The following ATF7 variants were observed in gnomAD, a reference collection of about 807,000 sequenced individuals.
ATF7 encodes activating transcription factor 7, also known as cyclic AMP-dependent transcription factor ATF-7.
Under a neutral mutation model 50.4 loss-of-function variants are expected in ATF7, and 10 were observed. The observed-to-expected ratio is 0.20, with a 90% CI of 0.12 to 0.34. The LOEUF (loss-of-function observed/expected upper bound fraction) is 0.34. Ranked by LOEUF, ATF7 falls within the 10% of genes least tolerant of loss-of-function variation. The probability of loss-of-function intolerance (pLI) is 1.00; values close to 1 mark genes in which losing one functional copy is unlikely to be tolerated. For missense variants in ATF7, 465 were observed against 613.9 expected (o/e 0.76, Z 2.56); for synonymous variants, 201 against 226.4 (o/e 0.89, Z 1.01).
chr12:53,548,994 C>G (rs1365671367), intron 3 of ATF7, among the ~76,000 whole-genome samples: 1 of 151,108 alleles, frequency 6.6e-6, no homozygotes, highest in African/African-American at 2.4e-5. Context: ...CCAAAAAATA[C>G]CCCCCAAAAC....
At chr12:53,606,703 TCCCTCCC>T (rs1943621607) in intron 1 of ATF7, among the ~76,000 whole-genome samples, 2 of 123,698 alleles carry the variant, frequency 1.6e-5, no homozygotes, top group Non-Finnish European at 3.4e-5. Context: ...CCTAATGCTA[TCCCTCCC>T]CCCTCCCCCC....
chr12:53,571,549 C>T (rs775082453), intron 2 of ATF7, among the ~76,000 whole-genome samples: 24 of 151,576 alleles, frequency 1.6e-4, no homozygotes, highest in Non-Finnish European at 3.1e-4. Context: ...CACCTGTAGT[C>T]CCAGCTACTC....
At chr12:53,547,468 T>C (rs1009854204) in intron 3 of ATF7, among the ~76,000 whole-genome samples, 6 of 151,524 alleles carry the variant, frequency 4.0e-5, no homozygotes, top group African/African-American at 1.5e-4. Flanking sequence ...GTATTTTTAG[T>C]AGAGACAGGG....
At chr12:53,556,322 C>T (rs1201154510) in intron 2 of ATF7, among the ~76,000 whole-genome samples, 6 of 152,150 alleles carry the variant, frequency 3.9e-5, no homozygotes, top group South Asian at 2.1e-4. Context: ...GGCATGGTGG[C>T]GCATACCTGT....
intron 4 of ATF7, 148 bp from the exon 5 acceptor site, chr12:53,537,700 G>C (rs1565931582): frequency 1.0e-6 from 1 of 952,592 alleles, no homozygotes; most frequent in South Asian, 1.8e-5. Flanking sequence ...ATAAATGTGG[G>C]CCCCTTATGT....
intron 1 of ATF7, among the ~76,000 whole-genome samples, chr12:53,609,303 C>A (rs951094789): frequency 3.3e-5 from 5 of 151,576 alleles, no homozygotes; most frequent in Non-Finnish European, 7.4e-5. Context: ...TACAGGCATG[C>A]GCCACCACAT....
chr12:53,517,394 A>G, intron 11 of ATF7, 40 bp from the exon 12 acceptor site: 3 of 1,566,060 alleles, frequency 1.9e-6, no homozygotes, highest in Non-Finnish European at 2.6e-6. Context: ...GCAATTGGTT[A>G]GAAAACAGAA....
chr12:53,525,333 A>G (rs920770517), intron 9 of ATF7, among the ~76,000 whole-genome samples: 1 of 152,220 alleles, frequency 6.6e-6, no homozygotes, highest in Non-Finnish European at 1.5e-5. Context: ...AGCCTGGGCA[A>G]CAAGAGCGAA....
At chr12:53,530,410 T>C (rs905898971) in intron 9 of ATF7, among the ~76,000 whole-genome samples, 5 of 152,118 alleles carry the variant, frequency 3.3e-5, no homozygotes, top group African/African-American at 1.2e-4. Flanking sequence ...CTGAGGACTA[T>C]ACAGTTTCCA....
At chr12:53,598,167 C>T (rs1453823683) in intron 2 of ATF7, among the ~76,000 whole-genome samples, 2 of 152,166 alleles carry the variant, frequency 1.3e-5, no homozygotes, top group Admixed American at 6.5e-5. Context: ...CTATTTCATA[C>T]ACATAAAGCA....
At chr12:53,618,400 CTAATT>C (rs760254006) in intron 1 of ATF7, among the ~76,000 whole-genome samples, 6 of 152,086 alleles carry the variant, frequency 3.9e-5, no homozygotes, top group Non-Finnish European at 7.4e-5. Flanking sequence ...TAGTAGCATG[CTAATT>C]TAATATGCAC....
At position 53,521,015 on chromosome 12, in the gene ATF7, G is replaced by A. The variant is rs1011271132; in HGVS notation, c.1234+2261C>T. Among the ~76,000 whole-genome samples the A allele has an allele frequency of 1.1e-4, 17 of 148,246 alleles. 1 individual carries two copies. The highest frequency in any genetic ancestry group is 8.7e-4 in the Admixed American group (13 of 14,906). Reference sequence around the variant, plus strand: ...TCAATTTTTTTTTTTTTTTTGAGACGGAATTTCCCTCTTGTTGCCCAGGCT... The same window carrying A: ...TCAATTTTTTTTTTTTTTTTGAGACAGAATTTCCCTCTTGTTGCCCAGGCT... On this transcript the variant is annotated intron_variant, in intron 11 of 11. Coordinates refer to ENST00000420353, the MANE Select transcript of ATF7 (RefSeq NM_006856.3).
intron 4 of ATF7, among the ~76,000 whole-genome samples, chr12:53,540,441 G>A (rs1939483691): frequency 6.6e-6 from 1 of 151,686 alleles, no homozygotes; most frequent in African/African-American, 2.4e-5. Context: ...GACAGGGTCT[G>A]GGCCAGGCGC....
intron 4 of ATF7, among the ~76,000 whole-genome samples, chr12:53,541,059 T>C (rs1414336637): frequency 1.3e-5 from 2 of 152,138 alleles, no homozygotes; most frequent in African/African-American, 4.8e-5. Flanking sequence ...TTAAGGGAGA[T>C]AGCATAAAAA....
At chr12:53,533,759 C>A (rs912400037) in intron 6 of ATF7, among the ~76,000 whole-genome samples, 1 of 152,156 alleles carries the variant, frequency 6.6e-6, no homozygotes, top group African/African-American at 2.4e-5. Flanking sequence ...AGCCTCTTAA[C>A]CCATGGGTAC....
intron 1 of ATF7, among the ~76,000 whole-genome samples, chr12:53,622,707 T>C (rs895758906): frequency 2.0e-5 from 3 of 151,036 alleles, no homozygotes; most frequent in African/African-American, 7.3e-5. Context: ...CCAGAAGAGA[T>C]GCCTCCTGTA....
chr12:53,537,704 C>T (rs1357695756), intron 4 of ATF7, among the ~76,000 whole-genome samples, 152 bp from the exon 5 acceptor site: 5 of 152,096 alleles, frequency 3.3e-5, no homozygotes, highest in Non-Finnish European at 7.4e-5. Context: ...ATGTGGGCCC[C>T]TTATGTTTGA....
intron 1 of ATF7, among the ~76,000 whole-genome samples, chr12:53,622,492 C>T (rs572910189): frequency 1.3e-5 from 2 of 151,720 alleles, no homozygotes; most frequent in Admixed American, 1.3e-4. Context: ...TGGTGGCGGG[C>T]GCCTGCTAGT....
At position 53,531,867 on chromosome 12, in the gene ATF7, G is replaced by T; in HGVS notation, c.804C>A (p.Val268=). ...TTCCACAACCACCATTGATTGAGGA[G>T]ACTTGGTGAGTTAGGGTGGCTTTCA... ...MRLKATLTHQ[V]SSINGGCGMV... The change falls in exon 9 of 12, where the codon GTC becomes GTA. Residue 268 remains valine (V), a synonymous_variant. Transcript: ENST00000420353. The T allele has an allele frequency of 1.9e-6, 3 of 1,613,732 alleles. No individual in the cohort carries two copies. Among genetic ancestry groups the T allele is most frequent in the Non-Finnish European group, 2.5e-6 (3 of 1,179,864 alleles).
Sources: allele counts gnomAD v4.1 joint callset (sites outside exome capture counted in the v4.1 genomes callset), GRCh38; gene constraint gnomAD v4.1.1; transcripts MANE v1.5; gene names NCBI Gene and HGNC (gene_info 2026-07-23, HGNC 2026-07-21).